The following XKR3 variants were observed in gnomAD, a reference collection of about 807,000 sequenced individuals.
The protein encoded by XKR3 is XK related 3, also known as XK-related protein 3.
XKR3 carries 27 observed loss-of-function variants against 40.3 expected under a neutral mutation model. The ratio of observed to expected loss-of-function variants is 0.67; its 90% CI spans 0.49 to 0.92. XKR3 has a LOEUF of 0.92. XKR3 is among the 40% of genes least tolerant of loss of function. The pLI, the probability that XKR3 is intolerant of heterozygous loss-of-function variation, is 0.00. For missense variants in XKR3, 472 were observed against 537.6 expected (o/e 0.88, Z 1.21); for synonymous variants, 193 against 195.4 (o/e 0.99, Z 0.10).
At chr22:16,787,726 C>T (rs2060096635) in intron 3 of XKR3, among the ~76,000 whole-genome samples, 1 of 151,832 alleles carries the variant, frequency 6.6e-6, no homozygotes, top group African/African-American at 2.4e-5. Flanking sequence ...ATCGCCATGG[C>T]TTAATATAAT....
intron 1 of XKR3, among the ~76,000 whole-genome samples, chr22:16,822,042 G>A (rs1178092804): frequency 6.6e-6 from 1 of 151,982 alleles, no homozygotes; most frequent in Non-Finnish European, 1.5e-5. Context: ...GCTGTGATAG[G>A]TGCCACAAAG....
At chr22:16,793,636 A>AC (rs2060129625) in intron 3 of XKR3, among the ~76,000 whole-genome samples, 1 of 152,100 alleles carries the variant, frequency 6.6e-6, no homozygotes. Context: ...AGCAAAGACC[A>AC]CCTGGTGACC....
In XKR3 at chr22:16,799,782, G is replaced by T; in HGVS notation, c.578C>A (p.Pro193His). Residue 193 changes from proline to histidine, a missense_variant, in exon 3 of 4, where the codon CCT becomes CAT. Coordinates refer to ENST00000684488, the MANE Select transcript of XKR3 (RefSeq NM_001386955.1). ...MYISLTIREW[P>H]LNRALLMTFS... ...GTAACTCAACTTACCTCTATTCAAAGGCCATTCTCGTATAGTGAGACTGAT... is the reference window on the plus strand; with the variant it reads ...GTAACTCAACTTACCTCTATTCAAATGCCATTCTCGTATAGTGAGACTGAT... 1 of 1,613,852 alleles carries T rather than the reference G, an allele frequency of 6.2e-7. No individual in the cohort carries two copies. The highest frequency in any genetic ancestry group is 8.5e-7 in the Non-Finnish European group (1 of 1,179,974).
At chr22:16,815,864 T>C (rs1376808720) in intron 1 of XKR3, among the ~76,000 whole-genome samples, 1 of 151,984 alleles carries the variant, frequency 6.6e-6, no homozygotes, top group Non-Finnish European at 1.5e-5. Flanking sequence ...GCATTTAAAT[T>C]TGTGACTGTT....
intron 2 of XKR3, among the ~76,000 whole-genome samples, chr22:16,806,470 T>TG (rs11381311): frequency 1.2e-4 from 2 of 16,672 alleles, no homozygotes; most frequent in Non-Finnish European, 2.0e-4. Flanking sequence ...ATAGTTAAGG[T>TG]TTTTTTTTTT....
chr22:16,809,667 ACCT>A (rs1193167352), intron 1 of XKR3, among the ~76,000 whole-genome samples: 1 of 152,176 alleles, frequency 6.6e-6, no homozygotes, highest in African/African-American at 2.4e-5. Flanking sequence ...CATTCCACTT[ACCT>A]TAACCAGTCA....
chr22:16,802,564 A>G (rs1168058782), intron 2 of XKR3, among the ~76,000 whole-genome samples: 1 of 151,714 alleles, frequency 6.6e-6, no homozygotes, highest in African/African-American at 2.4e-5. Context: ...ATATTGGCTC[A>G]CTGCAACCTC....
chr22:16,794,347 G>A (rs2060132190), intron 3 of XKR3, among the ~76,000 whole-genome samples: 1 of 151,938 alleles, frequency 6.6e-6, no homozygotes, highest in South Asian at 2.1e-4. Context: ...GAAGTGGCAG[G>A]TCACTTATAG....
intron 3 of XKR3, among the ~76,000 whole-genome samples, chr22:16,791,411 A>G (rs2060115253): frequency 6.6e-6 from 1 of 152,080 alleles, no homozygotes; most frequent in South Asian, 2.1e-4. Context: ...GAATTTTATC[A>G]AAAGATTTAT....
At chr22:16,817,039 C>G (rs2060236564) in intron 1 of XKR3, among the ~76,000 whole-genome samples, 1 of 152,042 alleles carries the variant, frequency 6.6e-6, no homozygotes, top group Non-Finnish European at 1.5e-5. Context: ...AACTGGCAAA[C>G]TTACTTTCAG....
At position 16,799,915 on chromosome 22, in the gene XKR3, T is replaced by A; in HGVS notation, c.445A>T (p.Ile149Phe). Residue 149 changes from isoleucine to phenylalanine, a missense_variant, in exon 3 of 4, where the codon ATT (isoleucine) becomes TTT (phenylalanine). Ile to Phe is a conservative substitution (Grantham distance 21, BLOSUM62 0). Coordinates refer to ENST00000684488, the MANE Select transcript of XKR3 (RefSeq NM_001386955.1). ...AAATTATCCCGGATTGAGAATGCAA[T>A]CTCCCTTTCCAGCATCGTGTTTCTC... ...TKRNTMLERE[I>F]AFSIRDNFMQ... is the part of the protein sequence containing the mutation. The A allele has an allele frequency of 6.2e-7, 1 of 1,614,106 alleles. No individual in the cohort carries two copies. The highest frequency in any genetic ancestry group is 8.5e-7 in the Non-Finnish European group (1 of 1,180,008).
intron 1 of XKR3, chr22:16,821,846 A>T (rs1440857009): frequency 6.6e-6 from 1 of 152,102 alleles, no homozygotes; most frequent in Non-Finnish European, 1.5e-5. Flanking sequence ...TTTTATGTGA[A>T]TTTCAGTTCA....
intron 3 of XKR3, among the ~76,000 whole-genome samples, chr22:16,786,256 G>GCACACACACACACACACACACA (rs750668264): frequency 8.7e-5 from 13 of 148,706 alleles, no homozygotes; most frequent in African/African-American, 2.7e-4. Context: ...CAAAACGCGT[G>GCACACACACACACACACACACA]CACACACACA....
chr22:16,806,457 AAT>A (rs2060189931), intron 2 of XKR3, among the ~76,000 whole-genome samples: 1 of 145,664 alleles, frequency 6.9e-6, no homozygotes, highest in Non-Finnish European at 1.5e-5. Flanking sequence ...TTTGTGATGG[AAT>A]ATAGTTAAGG....
At chr22:16,785,113 T>C (rs1601837728) in intron 3 of XKR3, among the ~76,000 whole-genome samples, 4 of 152,008 alleles carry the variant, frequency 2.6e-5, no homozygotes, top group South Asian at 4.2e-4. Context: ...GTCAGGAGAT[T>C]GAGACCATCC....
Position 16,808,081 on chromosome 22 carries a change from G to A in XKR3, c.-8C>T, listed in dbSNP as rs751814869. ...TTCAAACACTGTCTCCATTCTCAGGGTGCTGCTAATTCAAAGTCGTCTTGT... is the reference window on the plus strand; with the variant it reads ...TTCAAACACTGTCTCCATTCTCAGGATGCTGCTAATTCAAAGTCGTCTTGT... On this transcript the variant is annotated splice_region_variant and 5_prime_UTR_variant, in exon 2 of 4. Transcript: ENST00000684488. The A allele has an allele frequency of 1.3e-6, 2 of 1,579,206 alleles. No individual in the cohort carries two copies. The highest frequency in any genetic ancestry group is 1.7e-6 in the Non-Finnish European group (2 of 1,165,068).
At chr22:16,785,850 A>AAAAC (rs1409810939) in intron 3 of XKR3, among the ~76,000 whole-genome samples, 5 of 152,216 alleles carry the variant, frequency 3.3e-5, no homozygotes, top group East Asian at 1.9e-4. Context: ...TCCATCTCAA[A>AAAAC]AAACAAACAA....
At chr22:16,802,559 G>A (rs550948472) in intron 2 of XKR3, among the ~76,000 whole-genome samples, 1 of 151,486 alleles carries the variant, frequency 6.6e-6, no homozygotes, top group South Asian at 2.1e-4. Context: ...GCGTGATATT[G>A]GCTCACTGCA....
At chr22:16,784,570 G>A (rs936727947) in intron 3 of XKR3, among the ~76,000 whole-genome samples, 161 bp from the exon 4 acceptor site, 3 of 151,930 alleles carry the variant, frequency 2.0e-5, no homozygotes, top group Non-Finnish European at 4.4e-5. Flanking sequence ...CCATTTTCAG[G>A]GATACAGTAA....
Sources: allele counts gnomAD v4.1 joint callset (sites outside exome capture counted in the v4.1 genomes callset), GRCh38; gene constraint gnomAD v4.1.1; transcripts MANE v1.5; gene names NCBI Gene and HGNC (gene_info 2026-07-23, HGNC 2026-07-21).